Variants in FBN2 observed in about 807,000 individuals in gnomAD.
The protein encoded by FBN2 is fibrillin 2, also known as fibrillin-2.
Under a neutral mutation model 355.6 loss-of-function variants are expected in FBN2, and 105 were observed. That is an observed-to-expected ratio of 0.30 (90% CI 0.25 to 0.35). The LOEUF is 0.35. Among genes scored for constraint, FBN2 ranks in the 10% least tolerant of loss-of-function variants. FBN2 has a pLI of 1.00. For missense variants in FBN2, 3,280 were observed against 3,758.7 expected, an observed-to-expected ratio of 0.87 and a Z score of 3.33; for synonymous variants, 1,350 against 1,301.2, an observed-to-expected ratio of 1.04 and a Z score of -0.81.
rs73784602 is a variant in FBN2 at position 128,483,487 on chromosome 5, T to C, written c.629-18566A>G. Among the ~76,000 whole-genome samples, 332 of 151,912 alleles carry C rather than the reference T, an allele frequency of 2.2e-3. 1 individual carries two copies. The highest frequency in any genetic ancestry group is 7.8e-3 in the African/African-American group (323 of 41,422). ...AATCACAGACAGCCTTTTGGAAAACTACCTGAGGTTGGCTGAGTTTTTTTT... is the reference window on the plus strand; with the variant it reads ...AATCACAGACAGCCTTTTGGAAAACCACCTGAGGTTGGCTGAGTTTTTTTT... On this transcript the variant is annotated intron_variant, in intron 5 of 64. Transcript: ENST00000262464.
chr5:128,354,466 G>T (rs567495749), intron 20 of FBN2, among the ~76,000 whole-genome samples: 2 of 152,308 alleles, frequency 1.3e-5, no homozygotes, highest in East Asian at 3.9e-4. Context: ...CCTGGACAAA[G>T]AATGATATGC....
At chr5:128,413,186 T>C (rs753453700) in intron 7 of FBN2, among the ~76,000 whole-genome samples, 4 of 152,228 alleles carry the variant, frequency 2.6e-5, no homozygotes, top group Non-Finnish European at 4.4e-5. Context: ...GATGGACATT[T>C]GTGGTTTATC....
Position 128,310,105 on chromosome 5 carries a change from A to C in FBN2, c.5078T>G (p.Ile1693Ser), listed in dbSNP as rs914975874. 1.2e-6 allele frequency: 2 copies of C among 1,611,392 alleles called. No individual in the cohort carries two copies. Among genetic ancestry groups the C allele is most frequent in the Non-Finnish European group, 1.7e-6 (2 of 1,177,724 alleles). ...LSEDTRICED[I>S]DECFAHPGVC... ...ACCAGGATGTGCAAAACACTCATCA[A>C]TATCTAGAGTAGGCAAGAATATCTA... The change falls in exon 40 of 65, where the codon ATT becomes AGT. Residue 1693 changes from isoleucine to serine, a missense_variant. Physicochemically the swap from Ile to Ser is moderately radical, Grantham distance 142. Transcript: ENST00000262464.
In FBN2 at chr5:128,345,285, A is replaced by AC. The variant is rs1298587578; in HGVS notation, c.3217+71dup. The AC allele has an allele frequency of 1.3e-5, 16 of 1,277,190 alleles. No individual in the cohort carries two copies. The African/African-American group carries it at 2.2e-4, about 18-fold the overall frequency. The allele number at this position is 1,277,190 out of a possible 1,614,324, so 79.1% of individuals were successfully genotyped here. ...TGGGAAGTCAAACATTTAAAGCAAA[A>AC]CCAATTCTCAGAGAATGTGGAAGGC... On this transcript the variant is annotated intron_variant, in intron 24 of 64. Transcript: ENST00000262464.
chr5:128,341,241 C>A (rs1208970193), intron 25 of FBN2, among the ~76,000 whole-genome samples: 1 of 152,210 alleles, frequency 6.6e-6, no homozygotes. Flanking sequence ...GGGGTCAGAA[C>A]TGGAAGAACC....
chr5:128,435,582 A>C (rs1753750396), intron 7 of FBN2, among the ~76,000 whole-genome samples: 1 of 152,138 alleles, frequency 6.6e-6, no homozygotes, highest in African/African-American at 2.4e-5. Context: ...AATTTTCTTG[A>C]GATGACACAA....
chr5:128,379,572 C>T (rs529858187), intron 11 of FBN2, among the ~76,000 whole-genome samples: 35 of 152,068 alleles, frequency 2.3e-4, no homozygotes, highest in East Asian at 7.7e-4. Context: ...AAATACTAGT[C>T]GTGACCAAAA....
In FBN2 at chr5:128,265,035, T is replaced by C. The variant is rs150533496; in HGVS notation, c.7961-1379A>G. ...ATCACTGAATATAAAAGATGCTGAT[T>C]ATCTAATATGTGAAAATTCTTAGCC... On this transcript the variant is annotated intron_variant, in intron 62 of 64. Transcript: ENST00000262464. 5.3e-5 allele frequency among the ~76,000 whole-genome samples: 8 copies of C among 152,376 alleles called. No individual in the cohort carries two copies. The East Asian group carries it at 1.5e-3, about 29-fold the overall frequency.
intron 62 of FBN2, among the ~76,000 whole-genome samples, chr5:128,268,569 C>CA (rs1460149032): frequency 1.3e-5 from 2 of 151,976 alleles, no homozygotes; most frequent in African/African-American, 2.4e-5. Context: ...AGAAACACAA[C>CA]AAAAAAAGGA....
chr5:128,286,931 C>T (rs1749168885), intron 54 of FBN2, 82 bp from the exon 55 acceptor site: 3 of 1,313,118 alleles, frequency 2.3e-6, no homozygotes. Flanking sequence ...GGTCTTCTGA[C>T]ACTTAACATG....
rs1561504792 is a variant in FBN2, at chr5:128,537,351, C to G, written c.253G>C (p.Gly85Arg). The change falls in exon 1 of 65, where the codon GGG becomes CGG. Residue 85 changes from glycine (G) to arginine (R), a missense_variant and splice_region_variant. This residue lies in a region of FBN2 where 203 missense variants were observed against 142.2 expected (regional missense o/e 1.43). Coordinates refer to ENST00000262464, the MANE Select transcript of FBN2 (RefSeq NM_001999.4). ...RRRGQQDVLR[G>R]PNVCGSRFHS... ...GTGCGGAGCCGCTTGCCCACTTACC[C>G]TCGGAGCACGTCCTGCTGTCCTCGC... is the stretch of plus-strand genomic sequence containing the variant. 3 of 1,610,480 alleles carry G rather than the reference C, an allele frequency of 1.9e-6. No individual in the cohort carries two copies. In the Middle Eastern group the frequency reaches 5.0e-4, roughly 267 times the overall value.
At chr5:128,311,059 A>AT (rs1418138019) in intron 39 of FBN2, among the ~76,000 whole-genome samples, 1 of 151,766 alleles carries the variant, frequency 6.6e-6, no homozygotes, top group African/African-American at 2.4e-5. Context: ...ACACTACCCC[A>AT]TTTTCCCAAT....
At chr5:128,530,741 C>T in intron 2 of FBN2, 48 bp from the exon 3 acceptor site, 1 of 1,184,742 alleles carries the variant, frequency 8.4e-7, no homozygotes, top group South Asian at 1.3e-5. Flanking sequence ...TATAATAAAC[C>T]ATAGTTTACA....
chr5:128,338,966 C>G lies in FBN2; in HGVS notation c.3439G>C (p.Glu1147Gln), dbSNP rs1364065855. ...SFECECFEGYESGFMMMKNCM... is the reference protein window; with the variant it reads ...SFECECFEGYQSGFMMMKNCM... ...TTCTTCATCATCATGAAGCCACTTT[C>G]ATAGCCTTCGAAGCACTCGCACTCA... The change falls in exon 26 of 65, where the codon GAA becomes CAA. Residue 1147 changes from glutamate to glutamine, a missense_variant. By Grantham distance (29) the Glu-to-Gln change is conservative. This residue lies in a region of FBN2 where 2,284 missense variants were observed against 2,749.5 expected (regional missense o/e 0.83). Coordinates refer to ENST00000262464, the MANE Select transcript of FBN2 (RefSeq NM_001999.4). 1.2e-6 allele frequency: 2 copies of G among 1,614,022 alleles called. No homozygotes were observed. Among genetic ancestry groups the G allele is most frequent in the Non-Finnish European group, 1.7e-6 (2 of 1,179,994 alleles).
Position 128,446,551 on chromosome 5 carries a change from A to G in FBN2, c.882T>C (p.Asn294=). 1.2e-6 allele frequency: 2 copies of G among 1,613,840 alleles called. No homozygotes were observed. Among genetic ancestry groups the G allele is most frequent in the Non-Finnish European group, 1.7e-6 (2 of 1,179,738 alleles). The change falls in exon 7 of 65, where the codon AAT becomes AAC. Residue 294 remains asparagine, a synonymous_variant. Transcript: ENST00000262464. ...ATCTGCATTCAAAAGAGCCCACTGT[A>G]TTGATACAGTTTCCTCCTTGGCATA... is the stretch of plus-strand genomic sequence containing the variant. ...PGICQGGNCI[N]TVGSFECRCP...
At chr5:128,390,733 G>T (rs760944807) in intron 11 of FBN2, among the ~76,000 whole-genome samples, 2 of 152,190 alleles carry the variant, frequency 1.3e-5, no homozygotes, top group Non-Finnish European at 2.9e-5. Flanking sequence ...CTTGAAGAAT[G>T]ACTGACAAAT....
intron 7 of FBN2, among the ~76,000 whole-genome samples, chr5:128,423,439 C>G (rs1192804491): frequency 2.6e-5 from 4 of 152,098 alleles, no homozygotes; most frequent in African/African-American, 4.8e-5. Context: ...TCCCCTTTAT[C>G]AAACCATCAG....
intron 7 of FBN2, among the ~76,000 whole-genome samples, chr5:128,422,570 G>A (rs1366346496): frequency 6.6e-6 from 1 of 152,136 alleles, no homozygotes; most frequent in Non-Finnish European, 1.5e-5. Context: ...CTAATTAATG[G>A]CAAGAGTTAA....
At chr5:128,406,260 C>A (rs1752924447) in intron 8 of FBN2, among the ~76,000 whole-genome samples, 1 of 152,146 alleles carries the variant, frequency 6.6e-6, no homozygotes, top group Admixed American at 6.5e-5. Context: ...TATCTTCCAC[C>A]CACAAATTTA....
Sources: allele counts gnomAD v4.1 joint callset (sites outside exome capture counted in the v4.1 genomes callset), GRCh38; gene constraint gnomAD v4.1.1; regional missense constraint gnomAD v4.1.1; transcripts MANE v1.5; gene names NCBI Gene and HGNC (gene_info 2026-07-23, HGNC 2026-07-21).